The following LEPR variants were observed in gnomAD, a reference collection of about 807,000 sequenced individuals.
The protein encoded by LEPR is OB receptor.
Under a neutral mutation model 114.7 loss-of-function variants are expected in LEPR, and 56 were observed. That is an observed-to-expected ratio of 0.49 (90% CI 0.39 to 0.61). LEPR has a LOEUF of 0.61. Ranked by LOEUF, LEPR falls within the 20% of genes least tolerant of loss-of-function variation. The pLI is 0.00. For missense variants in LEPR, 1,202 were observed against 1,352.9 expected, an observed-to-expected ratio of 0.89 and a Z score of 1.75; for synonymous variants, 443 against 461.4, an observed-to-expected ratio of 0.96 and a Z score of 0.51.
At chr1:65,459,495 T>C (rs1037743452) in intron 2 of LEPR, among the ~76,000 whole-genome samples, 2 of 152,172 alleles carry the variant, frequency 1.3e-5, no homozygotes, top group Non-Finnish European at 2.9e-5. Flanking sequence ...GGCAGCTATG[T>C]GCAGCAAGAA....
At chr1:65,423,768 A>T (rs1646301677) in intron 1 of LEPR, among the ~76,000 whole-genome samples, 1 of 152,152 alleles carries the variant, frequency 6.6e-6, no homozygotes, top group Non-Finnish European at 1.5e-5. Context: ...AAAAATGTTC[A>T]TTGGCTTAAT....
At chr1:65,512,231 G>T (rs1649070773) in intron 2 of LEPR, among the ~76,000 whole-genome samples, 1 of 152,080 alleles carries the variant, frequency 6.6e-6, no homozygotes, top group Admixed American at 6.6e-5. Context: ...CCAAGGGGAT[G>T]GTGCTAAACT....
At chr1:65,507,437 T>TTGTGTG (rs141990947) in intron 2 of LEPR, among the ~76,000 whole-genome samples, 4,205 of 138,556 alleles carry the variant, frequency 0.03, 82 homozygotes, top group Admixed American at 0.035. Context: ...TAGTATTCCA[T>TTGTGTG]TGTGTGTGTG....
At chr1:65,609,731 C>A (rs183660974) in intron 12 of LEPR, among the ~76,000 whole-genome samples, 14 of 152,264 alleles carry the variant, frequency 9.2e-5, no homozygotes, top group Admixed American at 2.0e-4. Context: ...ATCTTGTCAT[C>A]ATCAGCAAGG....
chr1:65,484,505 A>G (rs1647382085), intron 2 of LEPR, among the ~76,000 whole-genome samples: 1 of 152,118 alleles, frequency 6.6e-6, no homozygotes. Context: ...GTCAATATTT[A>G]TTCTATTGTG....
chr1:65,479,722 C>G (rs894135026), intron 2 of LEPR, among the ~76,000 whole-genome samples: 2 of 152,182 alleles, frequency 1.3e-5, no homozygotes, highest in African/African-American at 2.4e-5. Context: ...CTGTCATCTT[C>G]TTAATGCCAG....
intron 8 of LEPR, among the ~76,000 whole-genome samples, chr1:65,599,498 T>C (rs1487669558): frequency 6.6e-6 from 1 of 152,172 alleles, no homozygotes; most frequent in African/African-American, 2.4e-5. Flanking sequence ...CAAATATCAA[T>C]CCATTTAACA....
At chr1:65,432,847 A>C in intron 2 of LEPR, 3 of 660,156 alleles carry the variant, frequency 4.5e-6, no homozygotes, top group Non-Finnish European at 5.6e-6. Context: ...TTGAGATCAT[A>C]TGTTAATTAG....
At chr1:65,471,904 T>C (rs1220261196) in intron 2 of LEPR, among the ~76,000 whole-genome samples, 2 of 152,142 alleles carry the variant, frequency 1.3e-5, no homozygotes, top group Non-Finnish European at 2.9e-5. Context: ...ATCTCATTAC[T>C]TTACTTTAGT....
chr1:65,428,365 A>G (rs1570428043), intron 2 of LEPR, among the ~76,000 whole-genome samples: 1 of 152,186 alleles, frequency 6.6e-6, no homozygotes, highest in South Asian at 2.1e-4. Context: ...GTAAGGTGAC[A>G]TATCTATTCC....
At chr1:65,525,076 C>A (rs1234263761) in intron 2 of LEPR, among the ~76,000 whole-genome samples, 1 of 152,216 alleles carries the variant, frequency 6.6e-6, no homozygotes, top group Admixed American at 6.5e-5. Flanking sequence ...CCCCCACCCA[C>A]CAGATGCGCG....
At chr1:65,443,242 TA>T (rs1288480624) in intron 2 of LEPR, among the ~76,000 whole-genome samples, 2 of 152,094 alleles carry the variant, frequency 1.3e-5, no homozygotes, top group African/African-American at 4.8e-5. Flanking sequence ...ATTGCTTTCC[TA>T]AACACCAGTA....
At chr1:65,577,055 T>G (rs1654637231) in intron 5 of LEPR, 1 of 233,850 alleles carries the variant, frequency 4.3e-6, no homozygotes, top group Non-Finnish European at 8.7e-6. Context: ...AGTGCAGCCC[T>G]CAGTTGAATC....
chr1:65,455,207 A>G (rs774924547), intron 2 of LEPR, among the ~76,000 whole-genome samples: 61 of 152,146 alleles, frequency 4.0e-4, no homozygotes, highest in Non-Finnish European at 8.2e-4. Flanking sequence ...AAAGTTTTCA[A>G]CTTCTTTGCC....
chr1:65,513,234 T>C (rs2767485), intron 2 of LEPR, among the ~76,000 whole-genome samples: 31,191 of 152,152 alleles, frequency 0.2, 3,577 homozygotes, highest in Middle Eastern at 0.33. Flanking sequence ...CCTAGATCCA[T>C]GTGCTTGGTG....
At chr1:65,513,556 G>A (rs907110231) in intron 2 of LEPR, among the ~76,000 whole-genome samples, 3 of 152,154 alleles carry the variant, frequency 2.0e-5, no homozygotes, top group African/African-American at 7.2e-5. Flanking sequence ...TTGGCATATA[G>A]GTCAGGGAAT....
chr1:65,616,027 C>A lies in LEPR; in HGVS notation c.2015C>A (p.Ser672Ter). ...CTACAGCCCCTGATGAAAAATGACT[C>A]ATTGTGCAGTGTTCAGAGATATGTG... ...LLWKPLMKND[S>*]LCSVQRYVIN... Residue 672 changes from serine (S) to a stop codon, truncating the protein, a stop_gained, in exon 15 of 20, where the codon TCA (serine) becomes TAA (stop). Coordinates refer to ENST00000349533, the MANE Select transcript of LEPR (RefSeq NM_002303.6). LOFTEE classifies it high-confidence loss of function. The A allele has an allele frequency of 6.2e-7, 1 of 1,614,098 alleles. No individual in the cohort carries two copies. Among genetic ancestry groups the A allele is most frequent in the Non-Finnish European group, 8.5e-7 (1 of 1,179,992 alleles).
intron 2 of LEPR, among the ~76,000 whole-genome samples, chr1:65,552,130 G>A (rs547348972): frequency 4.6e-5 from 7 of 152,098 alleles, no homozygotes; most frequent in Non-Finnish European, 8.8e-5. Flanking sequence ...TTCCAATTAT[G>A]TGGTCAATTT....
intron 2 of LEPR, among the ~76,000 whole-genome samples, chr1:65,539,557 G>A (rs1011509764): frequency 3.9e-5 from 6 of 152,220 alleles, no homozygotes; most frequent in African/African-American, 1.4e-4. Context: ...AAAAGCTCAA[G>A]TTCTCAAACA....
Sources: gnomAD v4.1 joint callset for allele counts (sites outside exome capture counted in the v4.1 genomes callset) on GRCh38, gnomAD v4.1.1 for gene constraint, MANE v1.5 for transcripts, NCBI Gene and HGNC (gene_info 2026-07-23, HGNC 2026-07-21) for gene names.